The following PIK3C2G variants were observed in gnomAD, a reference collection of about 807,000 sequenced individuals.
PIK3C2G encodes the protein phosphatidylinositol-4-phosphate 3-kinase catalytic subunit type 2 gamma.
PIK3C2G carries 168 observed loss-of-function variants against 181.1 expected under a neutral mutation model. The observed-to-expected ratio is 0.93, with a 90% confidence interval of 0.82 to 1.05. PIK3C2G has a LOEUF of 1.05. PIK3C2G is among the 50% of genes least tolerant of loss of function. The probability of loss-of-function intolerance (pLI) is 0.00; values close to 1 mark genes in which losing one functional copy is unlikely to be tolerated. For synonymous variants in PIK3C2G, 573 were observed against 592.2 expected (o/e 0.97, Z 0.47); for missense variants, 1,869 against 1,732.8 (o/e 1.08, Z -1.40).
chr12:18,254,966 C>A (rs1948129594), intron 1 of PIK3C2G, among the ~76,000 whole-genome samples: 1 of 151,834 alleles, frequency 6.6e-6, no homozygotes, highest in South Asian at 2.1e-4. Flanking sequence ...CAGTGGCTCA[C>A]CCCTGTAATC....
At chr12:18,660,264 A>G in the PIK3C2G span, among the ~76,000 whole-genome samples, 1 of 152,086 alleles carries the variant, frequency 6.6e-6, no homozygotes, top group Non-Finnish European at 1.5e-5. Flanking sequence ...GCTTGCCGAA[A>G]CCAGCAGGAG....
intron 10 of PIK3C2G, among the ~76,000 whole-genome samples, chr12:18,345,757 T>A (rs1340010525): frequency 6.6e-6 from 1 of 152,172 alleles, no homozygotes; most frequent in Non-Finnish European, 1.5e-5. Context: ...GGTAACAAAC[T>A]GTGGAAAGCG....
At chr12:18,671,464 A>G in the PIK3C2G span, among the ~76,000 whole-genome samples, 1 of 152,098 alleles carries the variant, frequency 6.6e-6, no homozygotes, top group Non-Finnish European at 1.5e-5. Context: ...AGAAAACCTG[A>G]ACCTAAAGAA....
chr12:18,423,456 A>G (rs2135715680), intron 17 of PIK3C2G, among the ~76,000 whole-genome samples: 1 of 152,204 alleles, frequency 6.6e-6, no homozygotes, highest in Admixed American at 6.5e-5. Flanking sequence ...TGGAGATGAA[A>G]GAAAGGATTT....
intron 24 of PIK3C2G, among the ~76,000 whole-genome samples, chr12:18,508,860 A>G (rs1285229330): frequency 1.3e-5 from 2 of 152,118 alleles, no homozygotes; most frequent in Non-Finnish European, 2.9e-5. Flanking sequence ...AAATGCTCCA[A>G]TACCAAACAA....
At chr12:18,384,816 A>C (rs922697257) in intron 14 of PIK3C2G, among the ~76,000 whole-genome samples, 22 of 152,244 alleles carry the variant, frequency 1.4e-4, no homozygotes, top group African/African-American at 5.3e-4. Flanking sequence ...ACAGTATGCG[A>C]AAGTTAAACC....
At chr12:18,321,421 T>C (rs746504061) in intron 7 of PIK3C2G, among the ~76,000 whole-genome samples, 1 of 152,228 alleles carries the variant, frequency 6.6e-6, no homozygotes, top group Non-Finnish European at 1.5e-5. Flanking sequence ...AAATAAATGG[T>C]ATATCATAAA....
intron 16 of PIK3C2G, among the ~76,000 whole-genome samples, chr12:18,416,113 C>T (rs546394059): frequency 1.3e-5 from 2 of 152,124 alleles, no homozygotes; most frequent in Admixed American, 6.5e-5. Flanking sequence ...GGTGTGGTGG[C>T]GGGTGCCTAA....
chr12:18,593,414 G>C (rs1332440854), intron 29 of PIK3C2G, among the ~76,000 whole-genome samples: 2 of 151,818 alleles, frequency 1.3e-5, no homozygotes, highest in African/African-American at 4.8e-5. Context: ...TTTCTTGGAA[G>C]TAGAGACAGT....
Position 18,427,234 on chromosome 12 carries a change from G to C in PIK3C2G, c.2504+3195G>C, listed in dbSNP as rs1266938093. On this transcript the variant is annotated intron_variant, in intron 18 of 32. Coordinates refer to ENST00000538779, the MANE Select transcript of PIK3C2G (RefSeq NM_001288772.2). Reference sequence around the variant, plus strand: ...AAAAGACAATGTTTTAGGCGGGCGTGGTGGCTCACGTCTGTAATCCCAGCA... The same window carrying C: ...AAAAGACAATGTTTTAGGCGGGCGTCGTGGCTCACGTCTGTAATCCCAGCA... Among the ~76,000 whole-genome samples, 5 of 151,632 alleles carry C rather than the reference G, an allele frequency of 3.3e-5. No individual in the cohort carries two copies. The East Asian group carries it at 9.6e-4, about 29-fold the overall frequency.
the PIK3C2G span, among the ~76,000 whole-genome samples, chr12:18,659,663 C>CTTTTTTTTTTTT: frequency 2.2e-5 from 3 of 133,780 alleles, no homozygotes; most frequent in Non-Finnish European, 4.8e-5. Flanking sequence ...GTTCTCCATT[C>CTTTTTTTTTTTT]TTTTTTTTTT....
intron 30 of PIK3C2G, among the ~76,000 whole-genome samples, chr12:18,605,248 T>A (rs976889788): frequency 6.6e-6 from 1 of 152,170 alleles, no homozygotes; most frequent in Non-Finnish European, 1.5e-5. Context: ...TCAAGGGTAC[T>A]ATGAACACCT....
At chr12:18,693,537 A>T in the PIK3C2G span, 2 of 1,611,618 alleles carry the variant, frequency 1.2e-6, no homozygotes, top group South Asian at 2.2e-5. Flanking sequence ...GTTGGCTCTG[A>T]ACTTATTCAG....
the PIK3C2G span, among the ~76,000 whole-genome samples, chr12:18,703,100 A>C: frequency 2.0e-5 from 3 of 152,214 alleles, no homozygotes; most frequent in Admixed American, 2.0e-4. Context: ...TTCTCTTCCA[A>C]GAAAGCTGAA....
intron 18 of PIK3C2G, chr12:18,425,136 G>A: frequency 5.1e-6 from 1 of 196,098 alleles, no homozygotes; most frequent in Admixed American, 4.6e-5. Context: ...CACTGCTCGT[G>A]CCTTTTTTAG....
the PIK3C2G span, among the ~76,000 whole-genome samples, chr12:18,701,257 T>C: frequency 6.6e-6 from 1 of 152,090 alleles, no homozygotes; most frequent in Non-Finnish European, 1.5e-5. Flanking sequence ...AGTGCTGGGA[T>C]TACAGGCATG....
At chr12:18,570,960 A>T (rs1170414597) in intron 29 of PIK3C2G, among the ~76,000 whole-genome samples, 1 of 150,814 alleles carries the variant, frequency 6.6e-6, no homozygotes, top group Non-Finnish European at 1.5e-5. Context: ...AATTATAGAG[A>T]TTCACTACAG....
chr12:18,298,739 G>C (rs998939540), intron 5 of PIK3C2G, among the ~76,000 whole-genome samples: 11 of 151,826 alleles, frequency 7.2e-5, no homozygotes, highest in Admixed American at 5.9e-4. Flanking sequence ...TGAGAGATAG[G>C]AGTCTAGTTT....
At chr12:18,692,734 T>A in the PIK3C2G span, 1 of 918,278 alleles carries the variant, frequency 1.1e-6, no homozygotes, top group Non-Finnish European at 1.7e-6. Flanking sequence ...AAAGAAAAAA[T>A]GTTAAAAGCT....
Sources: allele counts gnomAD v4.1 joint callset (sites outside exome capture counted in the v4.1 genomes callset), GRCh38; gene constraint gnomAD v4.1.1; transcripts MANE v1.5; gene names NCBI Gene and HGNC (gene_info 2026-07-23, HGNC 2026-07-21).